The following AKR1C1 variants were observed in gnomAD, a reference collection of about 807,000 sequenced individuals.
The protein encoded by AKR1C1 is aldo-keto reductase family 1 member C1.
Under a neutral mutation model 40.6 loss-of-function variants are expected in AKR1C1, and 32 were observed. That is an observed-to-expected ratio of 0.79 (90% confidence interval 0.60 to 1.06). The LOEUF is 1.06. Among genes scored for constraint, AKR1C1 ranks in the 50% least tolerant of loss-of-function variants. The pLI is 0.00. For synonymous variants in AKR1C1, 105 were observed against 134.2 expected (o/e 0.78, Z 1.50); for missense variants, 320 against 363.5 (o/e 0.88, Z 0.97).
At chr10:4,973,931 T>C (rs1405510231) in intron 7 of AKR1C1, among the ~76,000 whole-genome samples, 1 of 151,194 alleles carries the variant, frequency 6.6e-6, no homozygotes, top group Non-Finnish European at 1.5e-5. Context: ...ATATGATATA[T>C]ATTATAAAAC....
intron 5 of AKR1C1, among the ~76,000 whole-genome samples, chr10:4,970,108 GTTTC>G (rs1196208311): frequency 6.6e-6 from 1 of 151,886 alleles, no homozygotes; most frequent in Non-Finnish European, 1.5e-5. Flanking sequence ...TACATATAAT[GTTTC>G]TAGAACCTCT....
At chr10:4,969,093 C>T in intron 5 of AKR1C1, 149 bp downstream of exon 5, 1 of 1,488,244 alleles carries the variant, frequency 6.7e-7, no homozygotes. Flanking sequence ...ATAGAGGGAT[C>T]TTACTTGTAC....
At chr10:4,972,145 T>C (rs1836439140) in intron 5 of AKR1C1, 56 bp from the exon 6 acceptor site, 1 of 1,609,302 alleles carries the variant, frequency 6.2e-7, no homozygotes, top group Non-Finnish European at 8.5e-7. Context: ...TTGGTGATTT[T>C]AATATTAGTG....
intron 2 of AKR1C1, 81 bp downstream of exon 2, chr10:4,966,162 A>C (rs2131640932): frequency 6.6e-7 from 1 of 1,521,562 alleles, no homozygotes; most frequent in Non-Finnish European, 8.8e-7. Flanking sequence ...CTGGATCCAT[A>C]GTATAGGGTG....
chr10:4,970,711 C>CA (rs1836410921), intron 5 of AKR1C1, among the ~76,000 whole-genome samples: 1 of 149,294 alleles, frequency 6.7e-6, no homozygotes, highest in Admixed American at 6.8e-5. Flanking sequence ...ATCGCAAGAA[C>CA]AAAAAACCAA....
intron 8 of AKR1C1, among the ~76,000 whole-genome samples, chr10:4,976,785 T>C (rs1554770498): frequency 1.3e-5 from 2 of 152,092 alleles, no homozygotes; most frequent in African/African-American, 4.8e-5. Flanking sequence ...GATGAGATAA[T>C]GTGTGAAAAA....
In AKR1C1 at chr10:4,968,833, G is replaced by A; in HGVS notation, c.459G>A (p.Lys153=). The change falls in exon 5 of 9, where the codon AAG becomes AAA. Residue 153 remains lysine, a synonymous_variant. Coordinates refer to ENST00000380872, the MANE Select transcript of AKR1C1 (RefSeq NM_001353.6). ...DLCATWEAVE[K]CKDAGLAKSI... ...TTCCTTTTTCCCAGGCCGTGGAGAA[G>A]TGTAAAGATGCAGGATTGGCCAAGT... 1 of 1,614,166 alleles carries A rather than the reference G, an allele frequency of 6.2e-7. No individual in the cohort carries two copies. The highest frequency in any genetic ancestry group is 8.5e-7 in the Non-Finnish European group (1 of 1,180,032).
chr10:4,969,741 A>G, intron 5 of AKR1C1: 1 of 1,611,532 alleles, frequency 6.2e-7, no homozygotes, highest in Non-Finnish European at 8.5e-7. Context: ...GATCAAATTG[A>G]CTGTCCCCAA....
In AKR1C1 at chr10:4,982,271, A is replaced by G. The variant is rs1376612268; in HGVS notation, c.*4529A>G. 5 of 152,130 alleles carry G rather than the reference A, an allele frequency of 3.3e-5. No individual in the cohort carries two copies. Among genetic ancestry groups the G allele is most frequent in the African/African-American group, 1.2e-4 (5 of 41,418 alleles). 9.4% of individuals were successfully genotyped at this position (152,130 alleles called of 1,614,324 possible). A position where few individuals can be genotyped will look rare whatever the true frequency, so the allele number is the denominator to read the frequency against. On this transcript the variant is annotated 3_prime_UTR_variant, in exon 9 of 9. Coordinates refer to ENST00000380872, the MANE Select transcript of AKR1C1 (RefSeq NM_001353.6). Reference sequence around the variant, plus strand: ...TCTCACGACCTGACCTCATAAAGCCATCTAGTGGATGTTTGTGGCTTAACA... The same window carrying G: ...TCTCACGACCTGACCTCATAAAGCCGTCTAGTGGATGTTTGTGGCTTAACA...
At chr10:4,964,671 A>G (rs1194983838) in intron 1 of AKR1C1, among the ~76,000 whole-genome samples, 1 of 152,208 alleles carries the variant, frequency 6.6e-6, no homozygotes. Flanking sequence ...TTTCACTGCA[A>G]TCATATGTTT....
At chr10:4,971,091 A>G (rs1425206069) in intron 5 of AKR1C1, among the ~76,000 whole-genome samples, 2 of 152,022 alleles carry the variant, frequency 1.3e-5, no homozygotes, top group Admixed American at 6.6e-5. Context: ...TCCCATGACA[A>G]ATTTTCACAT....
At chr10:4,965,843 G>C in intron 1 of AKR1C1, 71 bp from the exon 2 acceptor site, 30 of 1,530,006 alleles carry the variant, frequency 2.0e-5, no homozygotes, top group Non-Finnish European at 2.6e-5. Flanking sequence ...TTTTGTGAAC[G>C]TCGCTACTTG....
At position 4,983,187 on chromosome 10, in the gene AKR1C1, C is replaced by T. The variant is rs530703805; in HGVS notation, c.*5445C>T. On this transcript the variant is annotated 3_prime_UTR_variant, in exon 9 of 9. Transcript: ENST00000380872. ...TCACTGCCCTGCACACACATGAGAGCGCAGCCAGGAACAGAAGGACTGGGC... is the reference window on the plus strand; with the variant it reads ...TCACTGCCCTGCACACACATGAGAGTGCAGCCAGGAACAGAAGGACTGGGC... The T allele has an allele frequency of 5.8e-5, 11 of 190,420 alleles. No individual in the cohort carries two copies. Among genetic ancestry groups the T allele is most frequent in the African/African-American group, 1.2e-4 (5 of 42,142 alleles). 11.8% of individuals were successfully genotyped at this position (190,420 alleles called of 1,614,324 possible).
chr10:4,970,104 T>C (rs1412064814), intron 5 of AKR1C1, among the ~76,000 whole-genome samples: 2 of 152,048 alleles, frequency 1.3e-5, no homozygotes, highest in Admixed American at 6.5e-5. Context: ...TAAATACATA[T>C]AATGTTTCTA....
intron 8 of AKR1C1, among the ~76,000 whole-genome samples, chr10:4,976,694 C>T (rs1836530621): frequency 6.6e-6 from 1 of 151,992 alleles, no homozygotes; most frequent in Non-Finnish European, 1.5e-5. Context: ...TTCTAGGATT[C>T]ATAGAAGGTC....
intron 1 of AKR1C1, among the ~76,000 whole-genome samples, chr10:4,964,048 T>C (rs1214334628): frequency 1.3e-5 from 2 of 151,994 alleles, no homozygotes; most frequent in African/African-American, 4.8e-5. Flanking sequence ...CGATAAAATA[T>C]CCTCATTTTA....
In AKR1C1 at chr10:4,981,085, G is replaced by T. The variant is rs1836607616; in HGVS notation, c.*3343G>T. The T allele has an allele frequency of 6.6e-6, 1 of 152,184 alleles. No individual in the cohort carries two copies. Among genetic ancestry groups the T allele is most frequent in the Non-Finnish European group, 1.5e-5 (1 of 68,020 alleles). The allele number at this position is 152,184 out of a possible 1,614,324, so 9.4% of individuals were successfully genotyped here. On this transcript the variant is annotated 3_prime_UTR_variant, in exon 9 of 9. Coordinates refer to ENST00000380872, the MANE Select transcript of AKR1C1 (RefSeq NM_001353.6). ...GAGTTCTTGGTTGATTAGGTACCTTGTCGATAGGCAGTTCTAATTTCAAAG... is the reference window on the plus strand; with the variant it reads ...GAGTTCTTGGTTGATTAGGTACCTTTTCGATAGGCAGTTCTAATTTCAAAG...
At chr10:4,964,791 C>T (rs1836306330) in intron 1 of AKR1C1, among the ~76,000 whole-genome samples, 1 of 152,170 alleles carries the variant, frequency 6.6e-6, no homozygotes, top group Admixed American at 6.5e-5. Context: ...TACATTTTTA[C>T]ACCTACTATT....
rs782645227 is a variant in AKR1C1 at position 4,972,713 on chromosome 10, G to C, written c.810G>C (p.Lys270Asn). Residue 270 changes from lysine (K) to asparagine (N), a missense_variant, in exon 7 of 9, where the codon AAG (lysine) becomes AAC (asparagine). This residue lies in a region of AKR1C1 where 77 missense variants were observed against 125.3 expected (regional missense o/e 0.61). Transcript: ENST00000380872. ...AGCGTGGGGTTGTGGTCCTGGCCAA[G>C]AGCTACAATGAGCAGCGCATCAGAC... Reference protein sequence around the residue: ...QLQRGVVVLAKSYNEQRIRQN... With the variant: ...QLQRGVVVLANSYNEQRIRQN... 2 of 1,612,374 alleles carry C rather than the reference G, an allele frequency of 1.2e-6. No individual in the cohort carries two copies. Among genetic ancestry groups the C allele is most frequent in the East Asian group, 4.5e-5 (2 of 44,896 alleles).
Sources: allele counts gnomAD v4.1 joint callset (sites outside exome capture counted in the v4.1 genomes callset), GRCh38; gene constraint gnomAD v4.1.1; regional missense constraint gnomAD v4.1.1; transcripts MANE v1.5; gene names NCBI Gene and HGNC (gene_info 2026-07-23, HGNC 2026-07-21).